The following EDIL3 variants were observed in gnomAD, a reference collection of about 807,000 sequenced individuals.
The protein encoded by EDIL3 is EGF-like repeat and discoidin I-like domain-containing protein 3.
Under a neutral mutation model 67.4 loss-of-function variants are expected in EDIL3, and 37 were observed. The observed-to-expected ratio is 0.55, with a 90% CI of 0.42 to 0.72. The LOEUF (loss-of-function observed/expected upper bound fraction) is 0.72, where lower values mean the gene tolerates loss of function less well. Among genes scored for constraint, EDIL3 ranks in the 30% least tolerant of loss-of-function variants. The probability of loss-of-function intolerance (pLI) is 0.00; values close to 1 mark genes in which losing one functional copy is unlikely to be tolerated. For synonymous variants in EDIL3, 195 were observed against 196.3 expected (o/e 0.99, Z 0.05); for missense variants, 527 against 586.3 (o/e 0.90, Z 1.04).
At chr5:84,221,459 A>C (rs1744340643) in intron 3 of EDIL3, among the ~76,000 whole-genome samples, 2 of 152,134 alleles carry the variant, frequency 1.3e-5, no homozygotes, top group Non-Finnish European at 2.9e-5. Context: ...ATTTTAGTAA[A>C]AATATGAAAA....
intron 2 of EDIL3, among the ~76,000 whole-genome samples, chr5:84,239,450 T>A (rs751065826): frequency 2.3e-4 from 35 of 152,240 alleles, no homozygotes; most frequent in African/African-American, 6.0e-4. Context: ...CTTTTTTTTT[T>A]AATTATATTT....
chr5:84,308,819 A>G (rs906801181), intron 1 of EDIL3, among the ~76,000 whole-genome samples: 2 of 152,164 alleles, frequency 1.3e-5, no homozygotes, highest in African/African-American at 2.4e-5. Flanking sequence ...TTTAAAATTT[A>G]AATATGTTTC....
intron 6 of EDIL3, among the ~76,000 whole-genome samples, chr5:84,076,267 C>T (rs1013027546): frequency 6.6e-6 from 1 of 152,000 alleles, no homozygotes; most frequent in Non-Finnish European, 1.5e-5. Context: ...TACAAATATG[C>T]AGCTAGAAAA....
At chr5:84,052,224 A>G (rs1251185218) in intron 9 of EDIL3, among the ~76,000 whole-genome samples, 1 of 152,216 alleles carries the variant, frequency 6.6e-6, no homozygotes, top group East Asian at 1.9e-4. Context: ...TCATAAGTGA[A>G]GGAGAAATAA....
chr5:84,371,691 C>T (rs1271354443), intron 1 of EDIL3, among the ~76,000 whole-genome samples: 1 of 151,202 alleles, frequency 6.6e-6, no homozygotes, highest in Non-Finnish European at 1.5e-5. Flanking sequence ...GAAAGCATAT[C>T]TCATATAATA....
intron 3 of EDIL3, among the ~76,000 whole-genome samples, chr5:84,203,522 T>C (rs1743890512): frequency 6.6e-6 from 1 of 152,124 alleles, no homozygotes; most frequent in Non-Finnish European, 1.5e-5. Context: ...ACGTTCCTGA[T>C]GGGTCATAAT....
At chr5:84,034,496 A>T (rs1256727186) in intron 9 of EDIL3, among the ~76,000 whole-genome samples, 1 of 152,200 alleles carries the variant, frequency 6.6e-6, no homozygotes, top group Non-Finnish European at 1.5e-5. Flanking sequence ...ACTATATCAC[A>T]GTCAACTCTA....
At chr5:84,141,872 G>A (rs186118532) in intron 4 of EDIL3, among the ~76,000 whole-genome samples, 77 of 146,696 alleles carry the variant, frequency 5.2e-4, no homozygotes, top group African/African-American at 1.9e-3. Context: ...AGATTTCGCT[G>A]TGAGAAGCCT....
intron 9 of EDIL3, among the ~76,000 whole-genome samples, chr5:84,012,766 T>C (rs1745538811): frequency 6.6e-6 from 1 of 152,084 alleles, no homozygotes; most frequent in Non-Finnish European, 1.5e-5. Context: ...TAATCTATAC[T>C]AAACTATTGA....
intron 9 of EDIL3, among the ~76,000 whole-genome samples, chr5:84,038,258 C>T (rs942709298): frequency 1.3e-4 from 20 of 152,032 alleles, no homozygotes; most frequent in African/African-American, 4.6e-4. Context: ...CTCCCAATTT[C>T]CCACCTGTGT....
chr5:84,077,717 T>C (rs1746886762), intron 6 of EDIL3, among the ~76,000 whole-genome samples: 1 of 152,030 alleles, frequency 6.6e-6, no homozygotes, highest in Admixed American at 6.6e-5. Flanking sequence ...AAGATGAGAT[T>C]TGGGTGGGGA....
chr5:83,992,174 A>G (rs900550736), intron 9 of EDIL3, among the ~76,000 whole-genome samples: 4 of 152,198 alleles, frequency 2.6e-5, no homozygotes, highest in Non-Finnish European at 1.5e-5. Context: ...TCCAGGTGGA[A>G]TTCCCACAAT....
At chr5:84,235,504 T>C (rs556621778) in intron 2 of EDIL3, among the ~76,000 whole-genome samples, 1 of 152,236 alleles carries the variant, frequency 6.6e-6, no homozygotes, top group South Asian at 2.1e-4. Context: ...AGTTAGCATG[T>C]AAACATATAT....
At chr5:84,141,513 T>A (rs1369562387) in intron 4 of EDIL3, among the ~76,000 whole-genome samples, 1 of 147,372 alleles carries the variant, frequency 6.8e-6, no homozygotes, top group Non-Finnish European at 1.5e-5. Flanking sequence ...TATAATATAT[T>A]ACATATATGC....
intron 6 of EDIL3, among the ~76,000 whole-genome samples, chr5:84,082,597 T>C (rs1007179475): frequency 6.6e-6 from 1 of 152,114 alleles, no homozygotes; most frequent in Non-Finnish European, 1.5e-5. Flanking sequence ...ATTACTGTAA[T>C]CCAAATATAT....
chr5:84,045,336 A>T (rs1052073158), intron 9 of EDIL3, among the ~76,000 whole-genome samples: 6 of 152,136 alleles, frequency 3.9e-5, no homozygotes, highest in Admixed American at 3.9e-4. Flanking sequence ...GGTGGAGAAG[A>T]AGTCAGGGGA....
At chr5:84,209,978 T>A (rs1320683496) in intron 3 of EDIL3, among the ~76,000 whole-genome samples, 2 of 152,232 alleles carry the variant, frequency 1.3e-5, no homozygotes, top group Non-Finnish European at 2.9e-5. Flanking sequence ...TCAAAGCACA[T>A]TCTAATTTAC....
intron 3 of EDIL3, among the ~76,000 whole-genome samples, chr5:84,222,463 G>T (rs1744361508): frequency 6.6e-6 from 1 of 151,636 alleles, no homozygotes; most frequent in Non-Finnish European, 1.5e-5. Flanking sequence ...CTTCTCTATG[G>T]ACATCACAGA....
chr5:84,369,600 A>G (rs1747804062), intron 1 of EDIL3, among the ~76,000 whole-genome samples: 2 of 152,066 alleles, frequency 1.3e-5, no homozygotes, highest in Non-Finnish European at 1.5e-5. Context: ...AGAAATGGGG[A>G]ATTATTGTTT....
Sources: gnomAD v4.1 joint callset for allele counts (sites outside exome capture counted in the v4.1 genomes callset) on GRCh38, gnomAD v4.1.1 for gene constraint, MANE v1.5 for transcripts, NCBI Gene and HGNC (gene_info 2026-07-23, HGNC 2026-07-21) for gene names.